Variants in PKN2 observed in about 807,000 individuals in gnomAD.
PKN2 encodes the protein serine/threonine-protein kinase N2.
In PKN2, 38 loss-of-function variants were observed where a neutral mutation model predicts 119.1. The ratio of observed to expected loss-of-function variants is 0.32; its 90% CI spans 0.25 to 0.42. The LOEUF is 0.42. Among genes scored for constraint, PKN2 ranks in the 10% least tolerant of loss-of-function variants. The pLI is 1.00. For synonymous variants in PKN2, 390 were observed against 384.9 expected, an observed-to-expected ratio of 1.01 and a Z score of -0.15; for missense variants, 850 against 1,165.1, an observed-to-expected ratio of 0.73 and a Z score of 3.94.
At position 88,787,571 on chromosome 1, in the gene PKN2, A is replaced by G. The variant is rs139023041; in HGVS notation, c.1281+1358A>G. On this transcript the variant is annotated intron_variant, in intron 8 of 21. Transcript: ENST00000370521. The stretch of plus-strand genomic sequence containing the variant: ...TGAGATAGAAAGATAACAGTAGCAC[A>G]GAGGAGGAAACAGCAGAAGATGAAG... 2.0e-3 allele frequency among the ~76,000 whole-genome samples: 307 copies of G among 152,332 alleles called. 2 individuals carry two copies. The highest frequency in any genetic ancestry group is 6.9e-3 in the African/African-American group (287 of 41,584).
chr1:88,705,794 C>G (rs935668685), intron 1 of PKN2, among the ~76,000 whole-genome samples: 1 of 152,078 alleles, frequency 6.6e-6, no homozygotes, highest in African/African-American at 2.4e-5. Flanking sequence ...AATTTCTGCT[C>G]TCTCCTGATC....
intron 3 of PKN2, among the ~76,000 whole-genome samples, chr1:88,764,796 G>A (rs1027319337): frequency 5.9e-5 from 9 of 152,228 alleles, no homozygotes; most frequent in Middle Eastern, 3.4e-3. Context: ...TCTTTATTTG[G>A]TAGTGTGGCT....
chr1:88,759,495 T>C (rs1669353329), intron 2 of PKN2, among the ~76,000 whole-genome samples: 1 of 152,202 alleles, frequency 6.6e-6, no homozygotes, highest in Non-Finnish European at 1.5e-5. Context: ...TTCAAAAGTA[T>C]CTGTTCATGT....
At chr1:88,743,887 GA>G (rs1668666357) in intron 2 of PKN2, among the ~76,000 whole-genome samples, 1 of 146,540 alleles carries the variant, frequency 6.8e-6, no homozygotes, top group Non-Finnish European at 1.5e-5. Flanking sequence ...TTTTAATACT[GA>G]CATTTCAGAT....
At chr1:88,697,308 G>T (rs1358582549) in intron 1 of PKN2, among the ~76,000 whole-genome samples, 1 of 152,026 alleles carries the variant, frequency 6.6e-6, no homozygotes, top group Non-Finnish European at 1.5e-5. Context: ...ATAAATAAAT[G>T]AACAGATTTT....
chr1:88,788,617 G>C (rs1026648617), intron 8 of PKN2, among the ~76,000 whole-genome samples: 7 of 151,952 alleles, frequency 4.6e-5, no homozygotes, highest in African/African-American at 1.7e-4. Flanking sequence ...GTCTAATTTT[G>C]TATTTTTAGT....
intron 2 of PKN2, among the ~76,000 whole-genome samples, chr1:88,747,609 C>T (rs1230820563): frequency 6.6e-6 from 1 of 152,034 alleles, no homozygotes; most frequent in South Asian, 2.1e-4. Context: ...ACTATAAGAA[C>T]ATTTTTTAAT....
intron 1 of PKN2, among the ~76,000 whole-genome samples, chr1:88,732,425 G>A (rs539214638): frequency 1.3e-5 from 2 of 152,082 alleles, no homozygotes; most frequent in Admixed American, 1.3e-4. Context: ...CAGTATATCA[G>A]CTGCATATAC....
chr1:88,809,364 A>G (rs1671688627), intron 15 of PKN2, among the ~76,000 whole-genome samples: 2 of 152,236 alleles, frequency 1.3e-5, no homozygotes, highest in Non-Finnish European at 2.9e-5. Flanking sequence ...TTGGAATAAT[A>G]GAAGGGTCAA....
Position 88,833,136 on chromosome 1 carries a change from A to C in PKN2, c.2730A>C (p.Val910=). The C allele has an allele frequency of 6.2e-7, 1 of 1,612,968 alleles. No homozygotes were observed. The highest frequency in any genetic ancestry group is 2.2e-5 in the East Asian group (1 of 44,802). ...LGASEKDAED[V]KKHPFFRLID... is the part of the protein sequence containing the mutation. ...CTAGCGAGAAAGATGCAGAGGATGT[A>C]AAAAAGCACCCATTTTTCCGGGTAA... The change falls in exon 21 of 22, where the codon GTA becomes GTC. Residue 910 remains valine (V), a synonymous_variant. Coordinates refer to ENST00000370521, the MANE Select transcript of PKN2 (RefSeq NM_006256.4).
intron 1 of PKN2, among the ~76,000 whole-genome samples, chr1:88,728,421 T>A (rs1410352168): frequency 6.6e-6 from 1 of 152,176 alleles, no homozygotes; most frequent in Non-Finnish European, 1.5e-5. Context: ...ACAAGCAGGT[T>A]TTTCATTCTT....
intron 8 of PKN2, among the ~76,000 whole-genome samples, chr1:88,795,265 T>G (rs1671015769): frequency 6.6e-6 from 1 of 152,216 alleles, no homozygotes; most frequent in African/African-American, 2.4e-5. Context: ...CAAGTTGCCC[T>G]CTAGTTTCCA....
At chr1:88,746,552 G>T (rs903954580) in intron 2 of PKN2, among the ~76,000 whole-genome samples, 1 of 151,866 alleles carries the variant, frequency 6.6e-6, no homozygotes, top group African/African-American at 2.4e-5. Context: ...TTAAAACCAC[G>T]ATGAGATACC....
intron 1 of PKN2, chr1:88,685,254 CTTT>C (rs560919251): frequency 1.4e-5 from 2 of 144,524 alleles, no homozygotes; most frequent in Non-Finnish European, 1.5e-5. Context: ...CTTTTCCTTT[CTTT>C]TTTTTTTTTT....
At chr1:88,764,967 T>G (rs1669600607) in intron 3 of PKN2, among the ~76,000 whole-genome samples, 1 of 152,052 alleles carries the variant, frequency 6.6e-6, no homozygotes, top group Admixed American at 6.6e-5. Flanking sequence ...CTCTGTCGCC[T>G]AGGCTCAAGT....
chr1:88,816,810 T>A (rs887840261), intron 16 of PKN2: 6 of 152,132 alleles, frequency 3.9e-5, no homozygotes, highest in Admixed American at 2.0e-4. Context: ...ACACTAAAAT[T>A]GGAACCTTAT....
intron 16 of PKN2, among the ~76,000 whole-genome samples, chr1:88,818,065 T>A (rs1354707780): frequency 6.6e-6 from 1 of 151,942 alleles, no homozygotes; most frequent in African/African-American, 2.4e-5. Flanking sequence ...ACAAGCATAA[T>A]ACACTGATAA....
chr1:88,722,782 CAAAAT>C (rs1024822781), intron 1 of PKN2, among the ~76,000 whole-genome samples: 15 of 134,302 alleles, frequency 1.1e-4, no homozygotes, highest in Middle Eastern at 3.8e-3. Context: ...GACCCTGTCT[CAAAAT>C]AAAAAAAAAA....
chr1:88,698,100 C>T (rs185315359), intron 1 of PKN2, among the ~76,000 whole-genome samples: 108 of 152,300 alleles, frequency 7.1e-4, no homozygotes, highest in African/African-American at 2.1e-3. Flanking sequence ...GAAAACAATA[C>T]TCTACAATGA....
Sources: allele counts gnomAD v4.1 joint callset (sites outside exome capture counted in the v4.1 genomes callset), GRCh38; gene constraint gnomAD v4.1.1; transcripts MANE v1.5; gene names NCBI Gene and HGNC (gene_info 2026-07-23, HGNC 2026-07-21).